The following E2F2 variants were observed in gnomAD, a reference collection of about 807,000 sequenced individuals.
E2F2 encodes the protein transcription factor E2F2.
A neutral mutation model predicts 42.2 loss-of-function variants in E2F2; 22 were observed. That is an observed-to-expected ratio of 0.52 (90% CI 0.37 to 0.74). The LOEUF (loss-of-function observed/expected upper bound fraction) is 0.74, where lower values mean the gene tolerates loss of function less well. E2F2 is among the 30% of genes least tolerant of loss of function. E2F2 has a pLI of 0.00. For synonymous variants in E2F2, 248 were observed against 251.6 expected (o/e 0.99, Z 0.13); for missense variants, 481 against 557.8 (o/e 0.86, Z 1.39).
rs1558260201 is a variant in E2F2 at position 23,530,242 on chromosome 1, G to T, written c.252+300C>A. On this transcript the variant is annotated intron_variant, in intron 1 of 6. Coordinates refer to ENST00000361729, the MANE Select transcript of E2F2 (RefSeq NM_004091.4). This position sits in a 1 kb window ranked among gnomAD's most constrained non-coding sequence, Gnocchi z 4.4. Reference sequence around the variant, plus strand: ...TGAATGAATGGCGGCAACGCTGGCTGCATGGACTTCCCCAAGGTCACACAG... The same window carrying T: ...TGAATGAATGGCGGCAACGCTGGCTTCATGGACTTCCCCAAGGTCACACAG... Among the ~76,000 whole-genome samples, 1 of 152,362 alleles carries T rather than the reference G, an allele frequency of 6.6e-6. No individual in the cohort carries two copies. Among genetic ancestry groups the T allele is most frequent in the Admixed American group, 6.5e-5 (1 of 15,308 alleles).
In E2F2 at chr1:23,507,580, C is replaced by G. The variant is rs1642824423; in HGVS notation, c.*2300G>C. ...CACTCAAAATGTGTCCTGAAGCACT[C>G]TGTGGAAGTCGGGAGGCTTCAAGTG... On this transcript the variant is annotated 3_prime_UTR_variant, in exon 7 of 7. Transcript: ENST00000361729. The G allele has an allele frequency of 6.6e-6, 1 of 152,066 alleles. No individual in the cohort carries two copies. The highest frequency in any genetic ancestry group is 6.6e-5 in the Admixed American group (1 of 15,262). The allele number at this position is 152,066 out of a possible 1,614,324, so 9.4% of individuals were successfully genotyped here. A position where few individuals can be genotyped will look rare whatever the true frequency, so the allele number is the denominator to read the frequency against.
downstream of E2F2, among the ~76,000 whole-genome samples, chr1:23,506,141 T>G (rs961779936): frequency 2.6e-5 from 4 of 151,986 alleles, no homozygotes; most frequent in Admixed American, 6.6e-5. Context: ...CCCACTGATG[T>G]AGAGGGTGGG....
Position 23,530,447 on chromosome 1 carries a change from T to G in E2F2, c.252+95A>C. 4.0e-6 allele frequency: 6 copies of G among 1,507,000 alleles called. No individual in the cohort carries two copies. Among genetic ancestry groups the G allele is most frequent in the Non-Finnish European group, 5.3e-6 (6 of 1,127,276 alleles). 93.4% of individuals were successfully genotyped at this position (1,507,000 alleles called of 1,614,324 possible). On this transcript the variant is annotated intron_variant, in intron 1 of 6. Coordinates refer to ENST00000361729, the MANE Select transcript of E2F2 (RefSeq NM_004091.4). The surrounding 1 kb of genome is among the most constrained non-coding windows in gnomAD (Gnocchi z 4.4). ...CTCATCTTCCCTCTTCCCAAAACTC[T>G]ACCTGCTCCACTCAAACTGGATCTC...
intron 1 of E2F2, among the ~76,000 whole-genome samples, chr1:23,527,596 C>T (rs1362751093): frequency 6.6e-6 from 1 of 152,318 alleles, no homozygotes; most frequent in East Asian, 1.9e-4. Flanking sequence ...TTGACTTGCC[C>T]AAGGTCACGC....
At chr1:23,505,500 C>G (rs1642780438), downstream of E2F2, among the ~76,000 whole-genome samples, 1 of 151,754 alleles carries the variant, frequency 6.6e-6, no homozygotes, top group African/African-American at 2.4e-5. Context: ...TCTTATTCAG[C>G]AGGTCTGAGG....
chr1:23,523,627 T>C (rs1294093708), intron 2 of E2F2, among the ~76,000 whole-genome samples: 1 of 152,226 alleles, frequency 6.6e-6, no homozygotes, highest in Non-Finnish European at 1.5e-5. Flanking sequence ...CTTGTCTGCA[T>C]GTGGGAGAAA....
intron 1 of E2F2, among the ~76,000 whole-genome samples, chr1:23,527,238 T>C (rs753008638): frequency 6.6e-6 from 1 of 152,106 alleles, no homozygotes; most frequent in Non-Finnish European, 1.5e-5. Context: ...GCTTTGCCCA[T>C]AGGGAGTGCC....
At chr1:23,513,367 A>C (rs1215849711) in intron 6 of E2F2, among the ~76,000 whole-genome samples, 3 of 152,106 alleles carry the variant, frequency 2.0e-5, no homozygotes, top group Non-Finnish European at 4.4e-5. Flanking sequence ...CAGAGCCTGG[A>C]GAAATGTCAG....
At chr1:23,527,704 C>A (rs1643274356) in intron 1 of E2F2, among the ~76,000 whole-genome samples, 1 of 152,238 alleles carries the variant, frequency 6.6e-6, no homozygotes, top group South Asian at 2.1e-4. Context: ...AGCTCTGCCA[C>A]TTCGTAGCTG....
rs1290330949 is a variant in E2F2 at position 23,531,172 on chromosome 1, A to AG, written c.-380dup. 5.1e-5 allele frequency: 11 copies of AG among 217,186 alleles called. No individual in the cohort carries two copies. Among genetic ancestry groups the AG allele is most frequent in the African/African-American group, 1.6e-4 (7 of 43,190 alleles). The allele number at this position is 217,186 out of a possible 1,614,324, so 13.5% of individuals were successfully genotyped here. On this transcript the variant is annotated 5_prime_UTR_variant, in exon 1 of 7. Coordinates refer to ENST00000361729, the MANE Select transcript of E2F2 (RefSeq NM_004091.4). The stretch of plus-strand genomic sequence containing the variant: ...GGAGACGCGATGCGCTGGGATGGGG[A>AG]GGGGGGTCTCGACTGCACCGACTTC...
rs1429357986 is a variant in E2F2 at position 23,530,266 on chromosome 1, A to G, written c.252+276T>C. 6.6e-6 allele frequency among the ~76,000 whole-genome samples: 1 copy of G among 152,250 alleles called. No homozygotes were observed. Among genetic ancestry groups the G allele is most frequent in the Non-Finnish European group, 1.5e-5 (1 of 68,050 alleles). ...TGCATGGACTTCCCCAAGGTCACAC[A>G]GTGCACTGGGAGTAGTGAGTTGGGT... On this transcript the variant is annotated intron_variant, in intron 1 of 6. Transcript: ENST00000361729. This position sits in a 1 kb window ranked among gnomAD's most constrained non-coding sequence, Gnocchi z 4.4.
At chr1:23,528,707 T>G (rs1183675151) in intron 1 of E2F2, among the ~76,000 whole-genome samples, 1 of 152,198 alleles carries the variant, frequency 6.6e-6, no homozygotes, top group African/African-American at 2.4e-5. Flanking sequence ...CACTGAGCCC[T>G]TCTGGGAGGG....
chr1:23,521,028 G>A lies in E2F2; in HGVS notation c.622C>T (p.Gln208Ter). The stretch of plus-strand genomic sequence containing the variant: ...TCCTTCAGCTCCTGCCCCAGCTGTT[G>A]CTGCTTCCCAGGTCTGGTGGGGTCT... ...FEDPTRPGKQ[Q>*]QLGQELKELM... Residue 208 changes from glutamine to a stop codon, truncating the protein, a stop_gained, in exon 4 of 7, where the codon CAA becomes TAA. Transcript: ENST00000361729. LOFTEE classifies it high-confidence loss of function. 6.2e-7 allele frequency: 1 copy of A among 1,613,568 alleles called. No individual in the cohort carries two copies. Among genetic ancestry groups the A allele is most frequent in the Non-Finnish European group, 8.5e-7 (1 of 1,179,724 alleles).
intron 1 of E2F2, among the ~76,000 whole-genome samples, chr1:23,525,874 G>T (rs1643241746): frequency 6.6e-6 from 1 of 152,086 alleles, no homozygotes; most frequent in Admixed American, 6.5e-5. Flanking sequence ...CCCTGGCTTG[G>T]ACAGAGAGGC....
At chr1:23,523,393 G>A (rs1361076245) in intron 2 of E2F2, among the ~76,000 whole-genome samples, 2 of 152,130 alleles carry the variant, frequency 1.3e-5, no homozygotes, top group African/African-American at 2.4e-5. Flanking sequence ...CTGACCTCAG[G>A]TTATCTGCCC....
At chr1:23,511,823 ATT>A (rs1171915910) in intron 6 of E2F2, among the ~76,000 whole-genome samples, 1 of 152,154 alleles carries the variant, frequency 6.6e-6, no homozygotes, top group Non-Finnish European at 1.5e-5. Flanking sequence ...TAGAGCATCC[ATT>A]TTCTCCCCTC....
At position 23,513,562 on chromosome 1, in the gene E2F2, ATGTGTGTGTGTGTGTGTGTGTGTGTGTG is replaced by A. The variant is rs71023281; in HGVS notation, c.1045+2745_1045+2772del. Among the ~76,000 whole-genome samples, 8 of 135,286 alleles carry A rather than the reference ATGTGTGTGTGTGTGTGTGTGTGTGTGTG, an allele frequency of 5.9e-5. No homozygotes were observed. The Admixed American group carries it at 6.0e-4, about 10-fold the overall frequency. The allele number at this position is 135,286 out of a possible 152,430, so 88.8% of individuals were successfully genotyped here. A position where few individuals can be genotyped will look rare whatever the true frequency, so the allele number is the denominator to read the frequency against. On this transcript the variant is annotated intron_variant, in intron 6 of 6. Transcript: ENST00000361729. ...ACTATTTCAGAACACAGCACGGAACATGTGTGTGTGTGTGTGTGTGTGTGTGTGTGTGTGTGTGTGTGTGTGTGTCTGT... is the reference window on the plus strand; with the variant it reads ...ACTATTTCAGAACACAGCACGGAACATGTGTGTGTGTGTGTGTGTGTCTGT...
In E2F2 at chr1:23,509,865, G is replaced by A. The variant is rs1642873001; in HGVS notation, c.*15C>T. ...GTAGAGTCGGGGGCAGGCTGCTGGG[G>A]GCAGGCAGGGCCACTCAATTAATCA... On this transcript the variant is annotated 3_prime_UTR_variant, in exon 7 of 7. Transcript: ENST00000361729. 5 of 1,525,348 alleles carry A rather than the reference G, an allele frequency of 3.3e-6. No homozygotes were observed. In the South Asian group the frequency reaches 6.5e-5, roughly 20 times the overall value. 94.5% of individuals were successfully genotyped at this position (1,525,348 alleles called of 1,614,324 possible).
chr1:23,524,091 AC>A (rs58635820), intron 2 of E2F2, among the ~76,000 whole-genome samples: 43,071 of 121,092 alleles, frequency 0.36, 10,889 homozygotes, highest in East Asian at 0.58. Context: ...AACAACAACA[AC>A]AACAACAACA....
Sources: allele counts gnomAD v4.1 joint callset (sites outside exome capture counted in the v4.1 genomes callset), GRCh38; gene constraint gnomAD v4.1.1; non-coding constraint Gnocchi (gnomAD v3.1); transcripts MANE v1.5; gene names NCBI Gene and HGNC (gene_info 2026-07-23, HGNC 2026-07-21).